Variants in CES2 observed in about 807,000 individuals in gnomAD.
CES2 encodes the protein cocaine esterase.
CES2 carries 42 observed loss-of-function variants against 52.1 expected under a neutral mutation model. That is an observed-to-expected ratio of 0.81 (90% CI 0.63 to 1.04). CES2 has a LOEUF of 1.04. Ranked by LOEUF, CES2 falls within the 50% of genes least tolerant of loss-of-function variation. The pLI is 0.00. For missense variants in CES2, 656 were observed against 724.3 expected (o/e 0.91, Z 1.08); for synonymous variants, 277 against 289.6 (o/e 0.96, Z 0.44).
rs1345473380 is a variant in CES2 at position 66,943,551 on chromosome 16, T to C, written c.1493+180T>C. ...GGTGCGTGGGGCAGTGGACACGCTC[T>C]ATCTCTCCAGTCTACCTGGAGGGTG... On this transcript the variant is annotated intron_variant, in intron 11 of 11. Coordinates refer to ENST00000317091, the MANE Select transcript of CES2 (RefSeq NM_001365405.1). The surrounding 1 kb of genome is among the most constrained non-coding windows in gnomAD (Gnocchi z 4.2). 13 of 648,998 alleles carry C rather than the reference T, an allele frequency of 2.0e-5. No homozygotes were observed. In the East Asian group the frequency reaches 3.3e-4, roughly 17 times the overall value. The allele number at this position is 648,998 out of a possible 1,614,324, so 40.2% of individuals were successfully genotyped here.
At chr16:66,936,807 C>T (rs1477246447) in intron 1 of CES2, among the ~76,000 whole-genome samples, 2 of 152,110 alleles carry the variant, frequency 1.3e-5, no homozygotes, top group African/African-American at 4.8e-5. Context: ...GGCTTCCTCC[C>T]GTGCCTGCCC....
In CES2 at chr16:66,943,887, G is replaced by A; in HGVS notation, c.1542G>A (p.Glu514=). 1 of 1,608,736 alleles carries A rather than the reference G, an allele frequency of 6.2e-7. No homozygotes were observed. Among genetic ancestry groups the A allele is most frequent in the Non-Finnish European group, 8.5e-7 (1 of 1,176,178 alleles). Residue 514 remains glutamate (E), a synonymous_variant, in exon 12 of 12, where the codon GAG becomes GAA. Coordinates refer to ENST00000317091, the MANE Select transcript of CES2 (RefSeq NM_001365405.1). This position sits in a 1 kb window ranked among gnomAD's most constrained non-coding sequence, Gnocchi z 4.2. Reference sequence around the variant, plus strand: ...CACACTGGCCGCTGTTCGACCAGGAGGAGCAATACCTGCAGCTGAACCTAC... The same window carrying A: ...CACACTGGCCGCTGTTCGACCAGGAAGAGCAATACCTGCAGCTGAACCTAC... ...GLPHWPLFDQ[E]EQYLQLNLQP...
chr16:66,940,606 TC>T lies in CES2; in HGVS notation c.730del (p.Gln244LysfsTer66), dbSNP rs1963337924. 6.2e-7 allele frequency: 1 copy of T among 1,614,052 alleles called. No individual in the cohort carries two copies. The highest frequency in any genetic ancestry group is 1.1e-5 in the South Asian group (1 of 91,090). On this transcript the variant is annotated frameshift_variant, in exon 5 of 12. Coordinates refer to ENST00000317091, the MANE Select transcript of CES2 (RefSeq NM_001365405.1). LOFTEE classifies it high-confidence loss of function. ...SVSSLVVSPI[S>X]QGLFHGAIME... The stretch of plus-strand genomic sequence containing the variant: ...GTCTTCGCTTGTTGTGTCCCCCATA[TC>T]CCAAGGACTCTTCCACGGAGCCATC...
upstream of CES2, chr16:66,934,634 G>A: frequency 2.0e-6 from 1 of 505,906 alleles, no homozygotes; most frequent in East Asian, 3.4e-5. The surrounding 1 kb of genome is among the most constrained non-coding windows in gnomAD (Gnocchi z 4.1). Context: ...GAAACGTAGA[G>A]GCCAGAACCA....
Position 66,943,425 on chromosome 16 carries a change from C to T in CES2, c.1493+54C>T. 1.1e-5 allele frequency: 18 copies of T among 1,583,276 alleles called. No individual in the cohort carries two copies. The highest frequency in any genetic ancestry group is 1.5e-5 in the Non-Finnish European group (17 of 1,152,958). On this transcript the variant is annotated intron_variant, in intron 11 of 11. Coordinates refer to ENST00000317091, the MANE Select transcript of CES2 (RefSeq NM_001365405.1). The surrounding 1 kb of genome is among the most constrained non-coding windows in gnomAD (Gnocchi z 4.2). ...CCCCGATTGGGGGACTTGTGCCCAT[C>T]CAGTGCTCTCCTAGTCTGGGGTGAC...
In CES2 at chr16:66,944,298, C is replaced by T. The variant is rs1238247646; in HGVS notation, c.*273C>T. ...GACCAGCCAGGGCAACACAGTGAGA[C>T]CCCTTCTCAAAAAAAAAAAAAAAAA... is the stretch of plus-strand genomic sequence containing the variant. On this transcript the variant is annotated 3_prime_UTR_variant, in exon 12 of 12. Transcript: ENST00000317091. 3 of 257,398 alleles carry T rather than the reference C, an allele frequency of 1.2e-5. No individual in the cohort carries two copies. The highest frequency in any genetic ancestry group is 3.5e-4 in the South Asian group (2 of 5,646). 15.9% of individuals were successfully genotyped at this position (257,398 alleles called of 1,614,324 possible).
At chr16:66,941,302 C>T (rs1963357472) in intron 6 of CES2, 80 bp downstream of exon 6, 3 of 1,567,658 alleles carry the variant, frequency 1.9e-6, no homozygotes, top group African/African-American at 1.3e-5. Flanking sequence ...CGTCATATTC[C>T]CTGGGCACAT....
At chr16:66,939,089 T>G in intron 2 of CES2, 128 bp from the exon 3 acceptor site, 21 of 759,480 alleles carry the variant, frequency 2.8e-5, no homozygotes, top group Middle Eastern at 3.8e-4. Flanking sequence ...AAGGGATTTT[T>G]GAGAGGGATC....
chr16:66,935,540 G>A lies in CES2; in HGVS notation c.-96G>A, dbSNP rs1963181693. On this transcript the variant is annotated 5_prime_UTR_variant, in exon 1 of 12. Coordinates refer to ENST00000317091, the MANE Select transcript of CES2 (RefSeq NM_001365405.1). ...CTGCCCAGTCCAAACTCCAAGGCTG[G>A]GCAAGGCACTGATCCACTGCTGGAC... is the stretch of plus-strand genomic sequence containing the variant. 6.2e-7 allele frequency: 1 copy of A among 1,614,158 alleles called. No homozygotes were observed. Among genetic ancestry groups the A allele is most frequent in the African/African-American group, 1.3e-5 (1 of 75,062 alleles).
At position 66,941,779 on chromosome 16, in the gene CES2, C is replaced by T; in HGVS notation, c.1068C>T (p.Ile356=). The change falls in exon 8 of 12, where the codon ATC becomes ATT. Residue 356 remains isoleucine (I), a synonymous_variant. Transcript: ENST00000317091. ...TCCTGGCCATCCAGGTCATGAGGATCTATGATACCCAGAAGGAAATGGACA... is the reference window on the plus strand; with the variant it reads ...TCCTGGCCATCCAGGTCATGAGGATTTATGATACCCAGAAGGAAATGGACA... ...FGWLIPKVMR[I]YDTQKEMDRE... The T allele has an allele frequency of 6.2e-7, 1 of 1,614,156 alleles. No individual in the cohort carries two copies. Among genetic ancestry groups the T allele is most frequent in the Non-Finnish European group, 8.5e-7 (1 of 1,180,012 alleles).
chr16:66,941,272 G>A (rs1221189866), intron 6 of CES2, 50 bp downstream of exon 6: 2 of 1,602,136 alleles, frequency 1.2e-6, no homozygotes, highest in Non-Finnish European at 1.7e-6. Flanking sequence ...ATAGGCATGG[G>A]GCTGGCAGGC....
intron 1 of CES2, among the ~76,000 whole-genome samples, chr16:66,936,462 C>T (rs1963218752): frequency 1.3e-5 from 2 of 152,146 alleles, no homozygotes; most frequent in South Asian, 4.1e-4. Context: ...GAGGTTGAGG[C>T]TGCAGTGAGC....
chr16:66,943,346 T>C lies in CES2; in HGVS notation c.1468T>C (p.Tyr490His). Reference protein sequence around the residue: ...EEQLSRKMMKYWANFARNGNP... With the variant: ...EEQLSRKMMKHWANFARNGNP... ...GCAGCTAAGCAGGAAGATGATGAAG[T>C]ACTGGGCCAACTTTGCGAGAAATGG... Residue 490 changes from tyrosine (Y) to histidine (H), a missense_variant, in exon 11 of 12, where the codon TAC (tyrosine) becomes CAC (histidine). Physicochemically the swap from Tyr to His is moderately conservative, Grantham distance 83. Transcript: ENST00000317091. The surrounding 1 kb of genome is among the most constrained non-coding windows in gnomAD (Gnocchi z 4.2). 1 of 1,614,050 alleles carries C rather than the reference T, an allele frequency of 6.2e-7. No individual in the cohort carries two copies. Among genetic ancestry groups the C allele is most frequent in the Non-Finnish European group, 8.5e-7 (1 of 1,179,972 alleles).
rs763373985 is a variant in CES2 at position 66,942,697 on chromosome 16, G to C, written c.1332G>C (p.Trp444Cys). 4.3e-6 allele frequency: 7 copies of C among 1,614,234 alleles called. No homozygotes were observed. The highest frequency in any genetic ancestry group is 5.1e-6 in the Non-Finnish European group (6 of 1,180,032). Residue 444 changes from tryptophan to cysteine, a missense_variant, in exon 10 of 12, where the codon TGG becomes TGC. By Grantham distance (215) the Trp-to-Cys change is radical. Coordinates refer to ENST00000317091, the MANE Select transcript of CES2 (RefSeq NM_001365405.1). ...ACGAGTTCCAGCATCAGCCCAGCTG[G>C]CTCAAGAACATCAGGCCACCGCACA... ...YFYEFQHQPS[W>C]LKNIRPPHMK... is the part of the protein sequence containing the mutation.
At chr16:66,940,415 C>T (rs1338816673) in intron 4 of CES2, 22 bp from the exon 5 acceptor site, 4 of 1,613,836 alleles carry the variant, frequency 2.5e-6, no homozygotes, top group Non-Finnish European at 3.4e-6. Context: ...GCCCTGTGAT[C>T]CCTGTCCCTG....
intron 1 of CES2, among the ~76,000 whole-genome samples, chr16:66,936,392 G>T (rs1963217627): frequency 6.6e-6 from 1 of 152,166 alleles, no homozygotes; most frequent in Non-Finnish European, 1.5e-5. Flanking sequence ...GGCTGTGGTG[G>T]TCTGTGACCT....
chr16:66,935,554 C>T lies in CES2; in HGVS notation c.-82C>T, dbSNP rs28382812. The T allele has an allele frequency of 5.6e-6, 9 of 1,614,098 alleles. No homozygotes were observed. Among genetic ancestry groups the T allele is most frequent in the Middle Eastern group, 3.3e-4 (2 of 6,062 alleles). On this transcript the variant is annotated 5_prime_UTR_variant, in exon 1 of 12. Coordinates refer to ENST00000317091, the MANE Select transcript of CES2 (RefSeq NM_001365405.1). ...CTCCAAGGCTGGGCAAGGCACTGAT[C>T]CACTGCTGGACAGACCCGGGGCAGC... is the stretch of plus-strand genomic sequence containing the variant.
chr16:66,938,050 C>T lies in CES2; in HGVS notation c.90C>T (p.Ala30=). The change falls in exon 2 of 12, where the codon GCC becomes GCT. Residue 30 remains alanine, a synonymous_variant. Coordinates refer to ENST00000317091, the MANE Select transcript of CES2 (RefSeq NM_001365405.1). ...CTCTGCCCACAGGCCAGGACTCAGC[C>T]AGTCCCATCCGGACCACACACACGG... ...LLVRGQGQDS[A]SPIRTTHTGQ... is the part of the protein sequence containing the mutation. 1 of 1,614,116 alleles carries T rather than the reference C, an allele frequency of 6.2e-7. No homozygotes were observed. The highest frequency in any genetic ancestry group is 8.5e-7 in the Non-Finnish European group (1 of 1,179,932).
rs769440021 is a variant in CES2 at position 66,940,323 on chromosome 16, C to T, written c.525C>T (p.Ile175=). 1 of 1,614,132 alleles carries T rather than the reference C, an allele frequency of 6.2e-7. No homozygotes were observed. Among genetic ancestry groups the T allele is most frequent in the South Asian group, 1.1e-5 (1 of 91,084 alleles). ...TGGAGAACGTGGTGGTGGTCATCAT[C>T]CAGTACCGCCTGGGTGTCCTGGGCT... is the stretch of plus-strand genomic sequence containing the variant. ...AALENVVVVI[I]QYRLGVLGFF... is the part of the protein sequence containing the mutation. The change falls in exon 4 of 12, where the codon ATC becomes ATT. Residue 175 remains isoleucine, a synonymous_variant. Coordinates refer to ENST00000317091, the MANE Select transcript of CES2 (RefSeq NM_001365405.1).
Sources: allele counts gnomAD v4.1 joint callset (sites outside exome capture counted in the v4.1 genomes callset), GRCh38; gene constraint gnomAD v4.1.1; non-coding constraint Gnocchi (gnomAD v3.1); transcripts MANE v1.5; gene names NCBI Gene and HGNC (gene_info 2026-07-23, HGNC 2026-07-21).